The following MYO1E variants were observed in gnomAD, a reference collection of about 807,000 sequenced individuals.
The protein encoded by MYO1E is myosin IE.
In MYO1E, 68 loss-of-function variants were observed where a neutral mutation model predicts 151.1. The ratio of observed to expected loss-of-function variants is 0.45; its 90% confidence interval spans 0.37 to 0.55. The LOEUF is 0.55. Among genes scored for constraint, MYO1E ranks in the 20% least tolerant of loss-of-function variants. MYO1E has a pLI of 0.00. For missense variants in MYO1E, 1,363 were observed against 1,389.3 expected (o/e 0.98, Z 0.30); for synonymous variants, 601 against 501.7 (o/e 1.20, Z -2.64).
At position 59,224,831 on chromosome 15, in the gene MYO1E, A is replaced by C. The variant is rs754050374; in HGVS notation, c.643-8T>G. On this transcript the variant is annotated splice_region_variant and splice_polypyrimidine_tract_variant and intron_variant, in intron 7 of 27. Transcript: ENST00000288235. ...AGAGGCGCCCTCGATGAGCTGGAGC[A>C]AGAGAACACAGGTTGAGCCATGATG... The C allele has an allele frequency of 2.5e-6, 4 of 1,614,206 alleles. No homozygotes were observed. The highest frequency in any genetic ancestry group is 3.4e-6 in the Non-Finnish European group (4 of 1,180,038).
chr15:59,190,197 T>A (rs948845286), intron 17 of MYO1E, among the ~76,000 whole-genome samples: 1 of 152,202 alleles, frequency 6.6e-6, no homozygotes, highest in Non-Finnish European at 1.5e-5. Flanking sequence ...AAACATGGTA[T>A]TTGAGGCAAA....
chr15:59,323,370 T>C (rs531147415), intron 1 of MYO1E, among the ~76,000 whole-genome samples: 89 of 151,790 alleles, frequency 5.9e-4, no homozygotes, highest in African/African-American at 2.0e-3. Context: ...AAGGGTGATA[T>C]GGGCCAGGCA....
Position 59,188,566 on chromosome 15 carries a change from C to T in MYO1E, c.1806-350G>A, listed in dbSNP as rs1346772097. Among the ~76,000 whole-genome samples the T allele has an allele frequency of 5.3e-5, 8 of 152,068 alleles. No individual in the cohort carries two copies. The South Asian group carries it at 6.2e-4, about 12-fold the overall frequency. The stretch of plus-strand genomic sequence containing the variant: ...AAAAAATTAGCCAGGCATGGTGGCA[C>T]GCACCTGTAGTCCCAGCTACTCGGG... On this transcript the variant is annotated intron_variant, in intron 17 of 27. Coordinates refer to ENST00000288235, the MANE Select transcript of MYO1E (RefSeq NM_004998.4).
chr15:59,202,233 A>G (rs2079806500), intron 16 of MYO1E, 93 bp downstream of exon 16: 1 of 1,090,722 alleles, frequency 9.2e-7, no homozygotes, highest in Admixed American at 1.7e-5. Context: ...CTCACGTCTC[A>G]CTGACCTCAT....
intron 2 of MYO1E, 104 bp from the exon 3 acceptor site, chr15:59,261,613 G>C (rs1382238427): frequency 1.3e-6 from 1 of 786,292 alleles, no homozygotes; most frequent in African/African-American, 1.7e-5. Flanking sequence ...TGTCCAAGTG[G>C]AAAGTTTGTG....
chr15:59,306,140 C>A (rs2080513407), intron 1 of MYO1E, among the ~76,000 whole-genome samples: 1 of 152,160 alleles, frequency 6.6e-6, no homozygotes, highest in South Asian at 2.1e-4. Context: ...TTCTATGGCA[C>A]CAGGTTTACA....
At chr15:59,160,918 T>C (rs1016052854) in intron 24 of MYO1E, among the ~76,000 whole-genome samples, 155 bp downstream of exon 24, 6 of 152,088 alleles carry the variant, frequency 3.9e-5, no homozygotes, top group Non-Finnish European at 8.8e-5. Flanking sequence ...GTTGCTTTAG[T>C]TTGAAATGTT....
At chr15:59,256,584 C>T (rs962089009) in intron 3 of MYO1E, among the ~76,000 whole-genome samples, 10 of 151,922 alleles carry the variant, frequency 6.6e-5, no homozygotes, top group African/African-American at 2.2e-4. Context: ...AAGGTTACAC[C>T]CTCACAAAAT....
chr15:59,163,992 T>C (rs1012531465), intron 22 of MYO1E, among the ~76,000 whole-genome samples: 5 of 152,212 alleles, frequency 3.3e-5, no homozygotes, highest in African/African-American at 1.2e-4. Context: ...TTGCGGGAAC[T>C]GCATGTTTGG....
At chr15:59,236,369 TACACACACACACACACACACACACACAC>T (rs56164138) in intron 5 of MYO1E, among the ~76,000 whole-genome samples, 188 bp downstream of exon 5, 3 of 117,740 alleles carry the variant, frequency 2.5e-5, no homozygotes, top group South Asian at 2.9e-4. Flanking sequence ...AAAAAATATA[TACACACACACACACACACACACACACAC>T]ACACACACAC....
chr15:59,209,797 A>G (rs1356268680), intron 13 of MYO1E, among the ~76,000 whole-genome samples: 2 of 117,930 alleles, frequency 1.7e-5, no homozygotes, highest in African/African-American at 6.6e-5. Flanking sequence ...GTTCTGTATC[A>G]CTTTTATTTT....
intron 1 of MYO1E, among the ~76,000 whole-genome samples, chr15:59,327,295 T>C (rs780521024): frequency 6.6e-5 from 10 of 150,518 alleles, no homozygotes; most frequent in Non-Finnish European, 1.0e-4. Flanking sequence ...TCCATATACC[T>C]GCTTTTTAAA....
At chr15:59,234,169 G>A (rs1252159014) in intron 5 of MYO1E, among the ~76,000 whole-genome samples, 1 of 151,984 alleles carries the variant, frequency 6.6e-6, no homozygotes, top group African/African-American at 2.4e-5. Flanking sequence ...TCCCTGATAT[G>A]CTCACCACAT....
At chr15:59,204,283 G>A (rs1211674340) in intron 15 of MYO1E, among the ~76,000 whole-genome samples, 5 of 152,238 alleles carry the variant, frequency 3.3e-5, no homozygotes, top group African/African-American at 4.8e-5. Context: ...GAGGGGTAGG[G>A]AGCTACAGGG....
chr15:59,368,155 T>C (rs1471881074), intron 1 of MYO1E, among the ~76,000 whole-genome samples: 1 of 152,040 alleles, frequency 6.6e-6, no homozygotes, highest in Non-Finnish European at 1.5e-5. Context: ...AGATATAGCA[T>C]AAAAATCTAG....
At chr15:59,233,819 T>C (rs538833907) in intron 5 of MYO1E, among the ~76,000 whole-genome samples, 2 of 150,414 alleles carry the variant, frequency 1.3e-5, no homozygotes, top group East Asian at 3.9e-4. Flanking sequence ...TACTGTCCAA[T>C]AGGGAAGCCA....
chr15:59,252,887 A>G (rs1438986837), intron 4 of MYO1E, among the ~76,000 whole-genome samples: 2 of 152,196 alleles, frequency 1.3e-5, no homozygotes, highest in Non-Finnish European at 2.9e-5. Flanking sequence ...CTTGGTCTCA[A>G]AAGAAAAGGA....
In MYO1E at chr15:59,307,987, T is replaced by G. The variant is rs1273732416; in HGVS notation, c.4-35538A>C. 4.6e-3 allele frequency among the ~76,000 whole-genome samples: 644 copies of G among 138,942 alleles called. 5 individuals are homozygous for G. The highest frequency in any genetic ancestry group is 0.016 in the African/African-American group (610 of 38,050). 91.2% of individuals were successfully genotyped at this position (138,942 alleles called of 152,430 possible). On this transcript the variant is annotated intron_variant, in intron 1 of 27. Transcript: ENST00000288235. ...ATCCCAGCACTTGGGGAGGCCAAGG[T>G]GAGCGGATCACTTGAGGTCAGGAGT...
rs540315545 is a variant in MYO1E, at chr15:59,282,763, G to A, written c.4-10314C>T. On this transcript the variant is annotated intron_variant, in intron 1 of 27. Coordinates refer to ENST00000288235, the MANE Select transcript of MYO1E (RefSeq NM_004998.4). ...CTCGAGAGCCGGAGGCAGGAGGATC[G>A]CTTAAGCTCAGGAGGTCAAGGCTGC... is the stretch of plus-strand genomic sequence containing the variant. 1.4e-4 allele frequency among the ~76,000 whole-genome samples: 21 copies of A among 148,576 alleles called. 1 individual carries two copies. The highest frequency in any genetic ancestry group is 3.4e-3 in the Middle Eastern group (1 of 292).
Sources: allele counts gnomAD v4.1 joint callset (sites outside exome capture counted in the v4.1 genomes callset), GRCh38; gene constraint gnomAD v4.1.1; transcripts MANE v1.5; gene names NCBI Gene and HGNC (gene_info 2026-07-23, HGNC 2026-07-21).